Variants in TENM3 observed in about 807,000 individuals in gnomAD.
TENM3 encodes teneurin-3.
In TENM3, 63 loss-of-function variants were observed where a neutral mutation model predicts 255.1. The ratio of observed to expected loss-of-function variants is 0.25; its 90% CI spans 0.20 to 0.30. TENM3 has a LOEUF of 0.30. Among genes scored for constraint, TENM3 ranks in the 10% least tolerant of loss-of-function variants. The probability of loss-of-function intolerance (pLI) is 1.00; values close to 1 mark genes in which losing one functional copy is unlikely to be tolerated. For missense variants in TENM3, 2,929 were observed against 3,461.1 expected, an observed-to-expected ratio of 0.85 and a Z score of 3.86; for synonymous variants, 1,306 against 1,322.3, an observed-to-expected ratio of 0.99 and a Z score of 0.27.
At chr4:182,290,783 G>A (rs1469540182) in intron 1 of TENM3, among the ~76,000 whole-genome samples, 21 of 149,864 alleles carry the variant, frequency 1.4e-4, no homozygotes, top group African/African-American at 5.2e-4. Flanking sequence ...GATTACAGGG[G>A]TGAGCCACCG....
chr4:181,914,489 T>G, the TENM3 span, among the ~76,000 whole-genome samples: 1 of 152,278 alleles, frequency 6.6e-6, no homozygotes, highest in African/African-American at 2.4e-5. Context: ...ATCGTGTCTC[T>G]CCTAATGTGG....
chr4:181,953,312 G>A, the TENM3 span, among the ~76,000 whole-genome samples: 1 of 151,578 alleles, frequency 6.6e-6, no homozygotes, highest in Non-Finnish European at 1.5e-5. Flanking sequence ...ATCAGTCTTT[G>A]TGAATGTCAA....
At chr4:181,574,511 C>G in the TENM3 span, among the ~76,000 whole-genome samples, 1 of 150,638 alleles carries the variant, frequency 6.6e-6, no homozygotes, top group African/African-American at 2.4e-5. Context: ...GCAGTCCGGC[C>G]TGGGCGACAG....
intron 7 of TENM3, among the ~76,000 whole-genome samples, chr4:182,679,085 G>A (rs550630670): frequency 2.6e-5 from 4 of 152,208 alleles, no homozygotes; most frequent in Non-Finnish European, 5.9e-5. Context: ...GGGAGGGATA[G>A]CATTAGGAGA....
At chr4:181,654,531 A>G in the TENM3 span, among the ~76,000 whole-genome samples, 1 of 152,084 alleles carries the variant, frequency 6.6e-6, no homozygotes, top group Non-Finnish European at 1.5e-5. Context: ...ATGAGGGTGG[A>G]TCACCTGAGG....
At chr4:182,787,389 C>T (rs531479307) in intron 24 of TENM3, among the ~76,000 whole-genome samples, 33 of 152,246 alleles carry the variant, frequency 2.2e-4, no homozygotes, top group African/African-American at 6.7e-4. Flanking sequence ...TGCTGTGACA[C>T]GGTGTTGTGG....
At chr4:182,645,499 C>T (rs1041771301) in intron 5 of TENM3, among the ~76,000 whole-genome samples, 6 of 152,090 alleles carry the variant, frequency 3.9e-5, no homozygotes, top group African/African-American at 9.7e-5. Context: ...AAAAACAACC[C>T]TAAAAACCTA....
At chr4:181,858,851 GC>G in the TENM3 span, among the ~76,000 whole-genome samples, 6 of 152,152 alleles carry the variant, frequency 3.9e-5, no homozygotes, top group Non-Finnish European at 8.8e-5. Flanking sequence ...TGTACAGGGG[GC>G]TTAATGCCTG....
chr4:181,636,706 T>C, the TENM3 span, among the ~76,000 whole-genome samples: 1 of 152,240 alleles, frequency 6.6e-6, no homozygotes, highest in Non-Finnish European at 1.5e-5. Context: ...ACTGGATTAT[T>C]GGAATAGCAT....
intron 3 of TENM3, among the ~76,000 whole-genome samples, chr4:182,568,805 AC>A (rs1744055241): frequency 6.6e-6 from 1 of 152,350 alleles, no homozygotes; most frequent in Admixed American, 6.5e-5. Flanking sequence ...ATAAAAAAGA[AC>A]AAAGCACGGC....
the TENM3 span, among the ~76,000 whole-genome samples, chr4:181,486,013 G>C: frequency 7.6e-6 from 1 of 131,424 alleles, no homozygotes; most frequent in Non-Finnish European, 1.7e-5. Context: ...TCAAAAACTT[G>C]AGAGAAAAAA....
the TENM3 span, among the ~76,000 whole-genome samples, chr4:181,580,185 AC>A: frequency 1.3e-4 from 20 of 151,862 alleles, no homozygotes; most frequent in Non-Finnish European, 2.2e-4. Flanking sequence ...TTTAGTAGAG[AC>A]AGGGTTTCTC....
chr4:181,999,607 C>T, the TENM3 span, among the ~76,000 whole-genome samples: 1 of 152,138 alleles, frequency 6.6e-6, no homozygotes. Flanking sequence ...CAAGTGACAA[C>T]ATGGCATGAG....
chr4:181,800,353 C>T, the TENM3 span, among the ~76,000 whole-genome samples: 17 of 152,250 alleles, frequency 1.1e-4, no homozygotes, highest in African/African-American at 2.4e-5. Context: ...ATTCCTAGGC[C>T]GGGAAAGGTG....
At chr4:182,652,947 A>T (rs950486156) in intron 5 of TENM3, among the ~76,000 whole-genome samples, 1 of 152,192 alleles carries the variant, frequency 6.6e-6, no homozygotes, top group Admixed American at 6.5e-5. Context: ...ACATTTTTCT[A>T]AATAGCATTG....
rs1761478481 is a variant in TENM3, at chr4:182,296,162, C to CA, written c.-75-27783dup. Among the ~76,000 whole-genome samples, 7 of 152,222 alleles carry CA rather than the reference C, an allele frequency of 4.6e-5. No homozygotes were observed. In the South Asian group the frequency reaches 1.5e-3, roughly 32 times the overall value. On this transcript the variant is annotated intron_variant, in intron 1 of 27. Coordinates refer to ENST00000511685, the MANE Select transcript of TENM3 (RefSeq NM_001080477.4). Reference sequence around the variant, plus strand: ...ATGTTTAGTAGAGACAGGGTTTCTCCACGTTGGTCAGGCTGGTCTCGAACT... The same window carrying CA: ...ATGTTTAGTAGAGACAGGGTTTCTCCAACGTTGGTCAGGCTGGTCTCGAACT...
the TENM3 span, among the ~76,000 whole-genome samples, chr4:181,721,107 G>GT: frequency 6.6e-6 from 1 of 150,652 alleles, no homozygotes; most frequent in Non-Finnish European, 1.5e-5. Flanking sequence ...AATACCAAGG[G>GT]TAAAAAAAAA....
chr4:181,620,974 C>T, the TENM3 span, among the ~76,000 whole-genome samples: 1 of 152,106 alleles, frequency 6.6e-6, no homozygotes, highest in Non-Finnish European at 1.5e-5. Context: ...ATTCAGCTGT[C>T]CTCTTGACTT....
intron 3 of TENM3, among the ~76,000 whole-genome samples, chr4:182,572,045 G>A (rs567646195): frequency 2.0e-5 from 3 of 152,270 alleles, no homozygotes; most frequent in African/African-American, 7.2e-5. Flanking sequence ...GGGACTACAG[G>A]CGCCTGCCAC....
Sources: gnomAD v4.1 joint callset for allele counts (sites outside exome capture counted in the v4.1 genomes callset) on GRCh38, gnomAD v4.1.1 for gene constraint, MANE v1.5 for transcripts, NCBI Gene and HGNC (gene_info 2026-07-23, HGNC 2026-07-21) for gene names.